Variants in PAK2 observed in about 807,000 individuals in gnomAD.
PAK2 encodes the protein serine/threonine-protein kinase PAK 2.
PAK2 carries 21 observed loss-of-function variants against 65.9 expected under a neutral mutation model. The observed-to-expected ratio is 0.32, with a 90% confidence interval of 0.23 to 0.46. The LOEUF is 0.46. Ranked by LOEUF, PAK2 falls within the 20% of genes least tolerant of loss-of-function variation. The pLI, the probability that PAK2 is intolerant of heterozygous loss-of-function variation, is 1.00. For synonymous variants in PAK2, 204 were observed against 219.7 expected (o/e 0.93, Z 0.63); for missense variants, 324 against 642.6 (o/e 0.50, Z 5.36).
chr3:196,763,778 T>C (rs1368557257), intron 1 of PAK2, among the ~76,000 whole-genome samples: 1 of 152,154 alleles, frequency 6.6e-6, no homozygotes, highest in Non-Finnish European at 1.5e-5. Context: ...GATCACTGTC[T>C]ACAAAGAGAT....
At chr3:196,816,991 A>G (rs917232777) in intron 11 of PAK2, among the ~76,000 whole-genome samples, 3 of 152,018 alleles carry the variant, frequency 2.0e-5, no homozygotes, top group African/African-American at 7.2e-5. Flanking sequence ...GCCACCCAGA[A>G]TCTTACCCGC....
In PAK2 at chr3:196,818,192, A is replaced by G. The variant is rs766099646; in HGVS notation, c.1153+36A>G. 3.7e-6 allele frequency: 3 copies of G among 813,736 alleles called. No homozygotes were observed. In the Admixed American group the frequency reaches 6.1e-5, roughly 16 times the overall value. 50.4% of individuals were successfully genotyped at this position (813,736 alleles called of 1,614,324 possible). A position where few individuals can be genotyped will look rare whatever the true frequency, so the allele number is the denominator to read the frequency against. On this transcript the variant is annotated intron_variant, in intron 12 of 14. Transcript: ENST00000327134. ...AATGGACAATTCACAATCATTTATTATAATTTTCTGCCTTTTGTTTAATTA... is the reference window on the plus strand; with the variant it reads ...AATGGACAATTCACAATCATTTATTGTAATTTTCTGCCTTTTGTTTAATTA...
chr3:196,793,573 G>C (rs999662462), intron 2 of PAK2, among the ~76,000 whole-genome samples: 10 of 152,098 alleles, frequency 6.6e-5, no homozygotes, highest in Non-Finnish European at 1.2e-4. Flanking sequence ...ATGAGAGGGA[G>C]AGTCCAAAAC....
In PAK2 at chr3:196,830,694, T is replaced by C. The variant is rs545043978; in HGVS notation, c.*2289T>C. 2.6e-4 allele frequency: 40 copies of C among 152,296 alleles called. No homozygotes were observed. Among genetic ancestry groups the C allele is most frequent in the African/African-American group, 9.4e-4 (39 of 41,572 alleles). The allele number at this position is 152,296 out of a possible 1,614,324, so 9.4% of individuals were successfully genotyped here. ...TGTCATTAAAACCTGGCTCTTTGGT[T>C]AAGGGAGCTACGCTGTGGTTTATTC... is the stretch of plus-strand genomic sequence containing the variant. On this transcript the variant is annotated 3_prime_UTR_variant, in exon 15 of 15. Transcript: ENST00000327134.
Position 196,827,218 on chromosome 3 carries a change from A to G in PAK2, c.1373A>G (p.Asn458Ser). ...PLRALYLIAT[N>S]GTPELQNPEK... ...TAGGCCTTGTACCTAATAGCAACTAATGGAACCCCAGAACTTCAGAATCCA... is the reference window on the plus strand; with the variant it reads ...TAGGCCTTGTACCTAATAGCAACTAGTGGAACCCCAGAACTTCAGAATCCA... The change falls in exon 14 of 15, where the codon AAT becomes AGT. Residue 458 changes from asparagine to serine, a missense_variant. Around this residue, in one of 5 missense-constraint regions of PAK2, gnomAD observed 36 missense variants for 161.5 expected, o/e 0.22. Coordinates refer to ENST00000327134, the MANE Select transcript of PAK2 (RefSeq NM_002577.4). The G allele has an allele frequency of 6.2e-7, 1 of 1,608,290 alleles. No homozygotes were observed. Among genetic ancestry groups the G allele is most frequent in the Non-Finnish European group, 8.5e-7 (1 of 1,175,774 alleles).
chr3:196,749,320 C>T (rs1050028325), intron 1 of PAK2, among the ~76,000 whole-genome samples: 42 of 151,874 alleles, frequency 2.8e-4, no homozygotes, highest in Non-Finnish European at 8.8e-5. Context: ...GAGGAACTAC[C>T]GTATTGCTTT....
At chr3:196,774,586 G>T (rs1427494857) in intron 1 of PAK2, among the ~76,000 whole-genome samples, 2 of 152,204 alleles carry the variant, frequency 1.3e-5, no homozygotes, top group Non-Finnish European at 2.9e-5. Context: ...GGCCAGGAAA[G>T]TCTTTGGTGT....
chr3:196,759,498 G>GTTTGTTTTTTTTTTTTTTTT (rs1713881954), intron 1 of PAK2, among the ~76,000 whole-genome samples: 1 of 108,116 alleles, frequency 9.2e-6, no homozygotes, highest in African/African-American at 3.6e-5. Flanking sequence ...GGTTTTTTTT[G>GTTTGTTTTTTTTTTTTTTTT]TTTTTTTTTT....
rs557230488 is a variant in PAK2 at position 196,742,899 on chromosome 3, T to C, written c.-22+2742T>C. On this transcript the variant is annotated intron_variant, in intron 1 of 14. Coordinates refer to ENST00000327134, the MANE Select transcript of PAK2 (RefSeq NM_002577.4). ...CGCGCCACTGCACTCCCGCCTGGGCTACAGAGCGAGACTCCGTCTCATTAA... is the reference window on the plus strand; with the variant it reads ...CGCGCCACTGCACTCCCGCCTGGGCCACAGAGCGAGACTCCGTCTCATTAA... Among the ~76,000 whole-genome samples the C allele has an allele frequency of 2.2e-4, 34 of 152,242 alleles. 1 individual carries two copies. In the South Asian group the frequency reaches 7.0e-3, roughly 32 times the overall value.
At chr3:196,792,339 G>A (rs919627130) in intron 2 of PAK2, among the ~76,000 whole-genome samples, 13 of 152,176 alleles carry the variant, frequency 8.5e-5, no homozygotes, top group African/African-American at 2.4e-4. Flanking sequence ...ATAAAGAAAT[G>A]TTGAGTGCAC....
chr3:196,741,295 A>G (rs752252660), intron 1 of PAK2, among the ~76,000 whole-genome samples: 1 of 152,198 alleles, frequency 6.6e-6, no homozygotes, highest in African/African-American at 2.4e-5. Flanking sequence ...AGGGTTGTCC[A>G]ATAGAATAAC....
chr3:196,791,981 A>G lies in PAK2; in HGVS notation c.187+9148A>G, dbSNP rs13062709. The stretch of plus-strand genomic sequence containing the variant: ...TCAGTTTCTTACAACTTCAGACACT[A>G]GTGATAGACTGATTCTCAGGGAGCC... On this transcript the variant is annotated intron_variant, in intron 2 of 14. Transcript: ENST00000327134. The surrounding 1 kb of genome is among the most constrained non-coding windows in gnomAD (Gnocchi z 4.0). 0.3 allele frequency among the ~76,000 whole-genome samples: 45,709 copies of G among 151,520 alleles called. 7,687 individuals carry two copies. The highest frequency in any genetic ancestry group is 0.43 in the African/African-American group (17,824 of 41,318).
intron 2 of PAK2, among the ~76,000 whole-genome samples, chr3:196,792,826 C>T (rs1179677338): frequency 6.6e-6 from 1 of 152,004 alleles, no homozygotes; most frequent in Non-Finnish European, 1.5e-5. Flanking sequence ...TACACACACA[C>T]ACACACGGTC....
At chr3:196,810,698 T>C (rs758840145) in intron 8 of PAK2, 45 bp downstream of exon 8, 2 of 958,826 alleles carry the variant, frequency 2.1e-6, no homozygotes. Context: ...GTATTCAGTA[T>C]TTCCTGGCTT....
chr3:196,814,515 G>T lies in PAK2; in HGVS notation c.1000G>T (p.Val334Leu). Residue 334 changes from valine (V) to leucine (L), a missense_variant, in exon 11 of 15, where the codon GTG (valine) becomes TTG (leucine). Coordinates refer to ENST00000327134, the MANE Select transcript of PAK2 (RefSeq NM_002577.4). ...CCTTGCTGGGGGGTCACTCACTGAT[G>T]TGGTAACAGAAACGTGCATGGATGA... ...EYLAGGSLTD[V>L]VTETCMDEAQ... The T allele has an allele frequency of 6.4e-7, 1 of 1,562,970 alleles. No individual in the cohort carries two copies. Among genetic ancestry groups the T allele is most frequent in the Non-Finnish European group, 8.8e-7 (1 of 1,138,680 alleles).
intron 2 of PAK2, among the ~76,000 whole-genome samples, chr3:196,794,175 A>G (rs533820381): frequency 1.3e-5 from 2 of 152,310 alleles, no homozygotes; most frequent in South Asian, 4.1e-4. Context: ...TTAAACAGAA[A>G]TACAAAGATG....
Position 196,815,052 on chromosome 3 carries a change from T to C in PAK2, c.1053+484T>C, listed in dbSNP as rs540327095. Among the ~76,000 whole-genome samples the C allele has an allele frequency of 3.3e-3, 504 of 151,406 alleles. 3 individuals carry two copies. The highest frequency in any genetic ancestry group is 0.011 in the South Asian group (54 of 4,810). On this transcript the variant is annotated intron_variant, in intron 11 of 14. Transcript: ENST00000327134. ...AAAATTAGCCGGGCGTGTTGGCAGGTACCTGTAGTCCCAGCTACTCAGGAG... is the reference window on the plus strand; with the variant it reads ...AAAATTAGCCGGGCGTGTTGGCAGGCACCTGTAGTCCCAGCTACTCAGGAG...
intron 2 of PAK2, among the ~76,000 whole-genome samples, chr3:196,795,364 A>G (rs932942861): frequency 6.6e-6 from 1 of 152,052 alleles, no homozygotes; most frequent in African/African-American, 2.4e-5. Flanking sequence ...AGGACTTGGT[A>G]GGCTGAGGCA....
chr3:196,815,381 A>G (rs1380648340), intron 11 of PAK2, among the ~76,000 whole-genome samples: 1 of 151,340 alleles, frequency 6.6e-6, no homozygotes. Context: ...AATCCCAGCT[A>G]CTCGCGAGGC....
Sources: gnomAD v4.1 joint callset for allele counts (sites outside exome capture counted in the v4.1 genomes callset) on GRCh38, gnomAD v4.1.1 for gene constraint, gnomAD v4.1.1 regional missense constraint, Gnocchi (gnomAD v3.1) non-coding constraint, MANE v1.5 for transcripts, NCBI Gene and HGNC (gene_info 2026-07-23, HGNC 2026-07-21) for gene names.